The following RASGRP3 variants were observed in gnomAD, a reference collection of about 807,000 sequenced individuals.
RASGRP3 encodes the protein ras guanyl-releasing protein 3.
Under a neutral mutation model 82.7 loss-of-function variants are expected in RASGRP3, and 54 were observed. The observed-to-expected ratio is 0.65, with a 90% CI of 0.52 to 0.82. The LOEUF is 0.82. RASGRP3 is among the 40% of genes least tolerant of loss of function. RASGRP3 has a pLI of 0.00. For synonymous variants in RASGRP3, 309 were observed against 300.5 expected (o/e 1.03, Z -0.29); for missense variants, 861 against 828.9 (o/e 1.04, Z -0.48).
chr2:33,444,152 A>G (rs1475694979), intron 1 of RASGRP3, among the ~76,000 whole-genome samples: 3 of 152,018 alleles, frequency 2.0e-5, no homozygotes, highest in Non-Finnish European at 4.4e-5. Flanking sequence ...AAACAATTTT[A>G]AACATTAGCT....
intron 1 of RASGRP3, among the ~76,000 whole-genome samples, chr2:33,446,033 T>C (rs1021364986): frequency 6.6e-6 from 1 of 152,262 alleles, no homozygotes; most frequent in African/African-American, 2.4e-5. Context: ...TAGGCTTTTA[T>C]GTCTAATTTT....
intron 2 of RASGRP3, among the ~76,000 whole-genome samples, chr2:33,448,740 G>T (rs1665631574): frequency 6.6e-6 from 1 of 150,830 alleles, no homozygotes; most frequent in Admixed American, 6.8e-5. Context: ...GCAAATAGTG[G>T]TGATGATTGC....
chr2:33,469,717 T>C (rs1046129655), intron 2 of RASGRP3, among the ~76,000 whole-genome samples: 10 of 152,162 alleles, frequency 6.6e-5, no homozygotes, highest in African/African-American at 2.4e-4. Context: ...CACCTCGGCC[T>C]CCCAAAGTGC....
intron 2 of RASGRP3, among the ~76,000 whole-genome samples, chr2:33,462,920 A>T (rs1412834814): frequency 1.3e-5 from 2 of 152,228 alleles, no homozygotes; most frequent in Non-Finnish European, 2.9e-5. Context: ...CACTAAAATG[A>T]TTCTCAGAAG....
chr2:33,446,747 A>G (rs567381138), intron 1 of RASGRP3, among the ~76,000 whole-genome samples: 133 of 152,262 alleles, frequency 8.7e-4, no homozygotes, highest in African/African-American at 3.2e-3. Context: ...TTCAAATTGC[A>G]CATACAAATT....
chr2:33,552,569 T>C (rs920477922), intron 14 of RASGRP3, among the ~76,000 whole-genome samples: 4 of 133,566 alleles, frequency 3.0e-5, no homozygotes, highest in Admixed American at 6.9e-5. Flanking sequence ...AAGGAATTTA[T>C]AACTATAGCT....
rs925004010 is a variant in RASGRP3, at chr2:33,557,162, C to A, written c.1580-1049C>A. On this transcript the variant is annotated intron_variant, in intron 15 of 17. Transcript: ENST00000403687. Reference sequence around the variant, plus strand: ...CAATGATTCTCAGTGAAGTGCAGGACCCTCATCATAGGAAATAATTGTGAA... The same window carrying A: ...CAATGATTCTCAGTGAAGTGCAGGAACCTCATCATAGGAAATAATTGTGAA... 5.3e-5 allele frequency among the ~76,000 whole-genome samples: 8 copies of A among 152,210 alleles called. No homozygotes were observed. The South Asian group carries it at 1.0e-3, about 20-fold the overall frequency.
rs138213052 is a variant in RASGRP3 at position 33,522,170 on chromosome 2, T to G, written c.516+68T>G. On this transcript the variant is annotated intron_variant, in intron 7 of 17. Coordinates refer to ENST00000403687, the MANE Select transcript of RASGRP3 (RefSeq NM_001139488.2). ...ATGCCAACTTTCCCAAGAGCTGCAT[T>G]TTCATACTCTGAAGTGTTGGCAGCT... is the stretch of plus-strand genomic sequence containing the variant. 1.4e-4 allele frequency: 208 copies of G among 1,516,604 alleles called. 1 individual carries two copies. The Middle Eastern group carries it at 1.5e-3, about 11-fold the overall frequency. 93.9% of individuals were successfully genotyped at this position (1,516,604 alleles called of 1,614,324 possible). A position where few individuals can be genotyped will look rare whatever the true frequency, so the allele number is the denominator to read the frequency against.
intron 2 of RASGRP3, among the ~76,000 whole-genome samples, chr2:33,512,848 C>T (rs1405848389): frequency 6.6e-6 from 1 of 152,036 alleles, no homozygotes; most frequent in Non-Finnish European, 1.5e-5. Flanking sequence ...CACAAAAATC[C>T]CTACAATCTT....
chr2:33,494,289 A>AT (rs1214504157), intron 1 of RASGRP3, among the ~76,000 whole-genome samples: 2 of 152,214 alleles, frequency 1.3e-5, no homozygotes, highest in African/African-American at 4.8e-5. Flanking sequence ...AATGACCAAG[A>AT]TGATGAAACC....
chr2:33,477,419 C>G (rs61334194), intron 1 of RASGRP3, among the ~76,000 whole-genome samples: 29,001 of 152,168 alleles, frequency 0.19, 2,925 homozygotes, highest in South Asian at 0.33. Context: ...ACCTTCATTA[C>G]TTTAAAATGT....
intron 9 of RASGRP3, 35 bp from the exon 10 acceptor site, chr2:33,527,102 T>C (rs564704964): frequency 6.2e-5 from 100 of 1,608,874 alleles, no homozygotes; most frequent in Non-Finnish European, 7.8e-5. Context: ...GGAGGGAAAG[T>C]TGTTTGAAAA....
intron 13 of RASGRP3, among the ~76,000 whole-genome samples, chr2:33,547,153 G>C (rs1274332710): frequency 6.6e-6 from 1 of 151,448 alleles, no homozygotes; most frequent in African/African-American, 2.4e-5. Flanking sequence ...ACTAACGCAG[G>C]AACAGAAAAC....
intron 1 of RASGRP3, among the ~76,000 whole-genome samples, chr2:33,479,601 T>C (rs974860638): frequency 6.6e-6 from 1 of 152,152 alleles, no homozygotes; most frequent in African/African-American, 2.4e-5. Context: ...GGCAGGGGAC[T>C]AGCTGGCAGT....
intron 2 of RASGRP3, among the ~76,000 whole-genome samples, chr2:33,465,032 G>A (rs1445076796): frequency 6.6e-6 from 1 of 152,128 alleles, no homozygotes; most frequent in East Asian, 1.9e-4. Flanking sequence ...TCTTACTTTA[G>A]ATCAAAAGCT....
rs1211104688 is a variant in RASGRP3 at position 33,490,117 on chromosome 2, C to G, written c.-261+13410C>G. 2.4e-4 allele frequency among the ~76,000 whole-genome samples: 37 copies of G among 152,288 alleles called. 1 individual carries two copies. Among genetic ancestry groups the G allele is most frequent in the Admixed American group, 2.4e-3 (37 of 15,302 alleles). On this transcript the variant is annotated intron_variant, in intron 1 of 17. Transcript: ENST00000403687. The stretch of plus-strand genomic sequence containing the variant: ...GTAACCATGTTCTTCTTCCTTCTTT[C>G]ATATTATAACTGGAACCCATTCTCT...
At chr2:33,557,342 AT>A (rs1161164752) in intron 15 of RASGRP3, among the ~76,000 whole-genome samples, 1 of 152,236 alleles carries the variant, frequency 6.6e-6, no homozygotes, top group Non-Finnish European at 1.5e-5. Flanking sequence ...GCATATGCCC[AT>A]CTTGTGTTCT....
chr2:33,445,929 A>C (rs1354561944), intron 1 of RASGRP3, among the ~76,000 whole-genome samples: 1 of 152,188 alleles, frequency 6.6e-6, no homozygotes, highest in Non-Finnish European at 1.5e-5. Flanking sequence ...GAGGAAAAGC[A>C]AATTTACCAA....
chr2:33,518,693 A>T (rs1257776645), intron 4 of RASGRP3, among the ~76,000 whole-genome samples: 1 of 152,078 alleles, frequency 6.6e-6, no homozygotes, highest in Non-Finnish European at 1.5e-5. Context: ...TTATTCTACA[A>T]ACTTACTCTA....
Sources: allele counts gnomAD v4.1 joint callset (sites outside exome capture counted in the v4.1 genomes callset), GRCh38; gene constraint gnomAD v4.1.1; transcripts MANE v1.5; gene names NCBI Gene and HGNC (gene_info 2026-07-23, HGNC 2026-07-21).